The following TRPM3 variants were observed in gnomAD, a reference collection of about 807,000 sequenced individuals.
The protein encoded by TRPM3 is transient receptor potential cation channel subfamily M member 3.
A neutral mutation model predicts 181.2 loss-of-function variants in TRPM3; 77 were observed. That is an observed-to-expected ratio of 0.42 (90% CI 0.35 to 0.51). TRPM3 has a LOEUF of 0.51. Ranked by LOEUF, TRPM3 falls within the 20% of genes least tolerant of loss-of-function variation. The pLI, the probability that TRPM3 is intolerant of heterozygous loss-of-function variation, is 0.01. For synonymous variants in TRPM3, 745 were observed against 796.4 expected (o/e 0.94, Z 1.09); for missense variants, 1,759 against 2,196.7 (o/e 0.80, Z 3.98).
chr9:71,387,284 G>A (rs1012409157), intron 1 of TRPM3, among the ~76,000 whole-genome samples: 1 of 152,132 alleles, frequency 6.6e-6, no homozygotes, highest in Admixed American at 6.6e-5. Flanking sequence ...ATCAAACCTA[G>A]TTTCTGAATT....
At chr9:70,774,933 A>G (rs1373584882) in intron 7 of TRPM3, 5 of 152,198 alleles carry the variant, frequency 3.3e-5, no homozygotes, top group African/African-American at 1.2e-4. Context: ...TCCTACTTTA[A>G]TGCATTTTTA....
At chr9:70,900,064 A>T (rs932196914) in intron 1 of TRPM3, among the ~76,000 whole-genome samples, 2 of 152,240 alleles carry the variant, frequency 1.3e-5, no homozygotes, top group African/African-American at 4.8e-5. Flanking sequence ...CTTAAAAATA[A>T]ATTCATTGGA....
intron 1 of TRPM3, among the ~76,000 whole-genome samples, chr9:71,367,626 A>C (rs1362100222): frequency 1.3e-5 from 2 of 152,166 alleles, no homozygotes; most frequent in African/African-American, 4.8e-5. Context: ...TTTCTCACCT[A>C]AAAAGATCTA....
At chr9:70,941,753 G>C (rs1456693510) in intron 1 of TRPM3, among the ~76,000 whole-genome samples, 1 of 152,128 alleles carries the variant, frequency 6.6e-6, no homozygotes, top group African/African-American at 2.4e-5. Context: ...AGACCCAGAG[G>C]GGTTGGATTG....
chr9:70,837,598 T>C (rs2094404865), intron 5 of TRPM3, among the ~76,000 whole-genome samples: 1 of 152,228 alleles, frequency 6.6e-6, no homozygotes, highest in South Asian at 2.1e-4. Context: ...TCAGAAACTC[T>C]TCATTTACCT....
chr9:70,976,103 T>A (rs1358255930), intron 1 of TRPM3, among the ~76,000 whole-genome samples: 1 of 152,150 alleles, frequency 6.6e-6, no homozygotes, highest in African/African-American at 2.4e-5. Flanking sequence ...ATGAGTCTCT[T>A]CCCAGTGTGG....
chr9:71,230,133 G>A (rs2080952919), intron 1 of TRPM3, among the ~76,000 whole-genome samples: 1 of 152,056 alleles, frequency 6.6e-6, no homozygotes, highest in Non-Finnish European at 1.5e-5. Flanking sequence ...ATCAAAATAT[G>A]CCATTAAAAT....
intron 1 of TRPM3, among the ~76,000 whole-genome samples, chr9:71,405,318 T>A (rs2093417474): frequency 6.6e-6 from 1 of 152,216 alleles, no homozygotes; most frequent in South Asian, 2.1e-4. Context: ...TTTAAAAAAA[T>A]CTTCCTTTTA....
chr9:70,968,624 T>C (rs567364551), intron 1 of TRPM3, among the ~76,000 whole-genome samples: 30 of 152,310 alleles, frequency 2.0e-4, no homozygotes, highest in African/African-American at 7.0e-4. Flanking sequence ...TGTGAAATTG[T>C]TGTACTGGCT....
chr9:70,936,646 C>T (rs2096831215), intron 1 of TRPM3, among the ~76,000 whole-genome samples: 1 of 152,196 alleles, frequency 6.6e-6, no homozygotes, highest in Admixed American at 6.5e-5. Context: ...CAGTCTTTAT[C>T]TCTCACATGC....
chr9:71,212,862 T>TGTAC (rs1035954821), intron 1 of TRPM3, among the ~76,000 whole-genome samples: 5 of 152,012 alleles, frequency 3.3e-5, no homozygotes, highest in African/African-American at 1.2e-4. Flanking sequence ...TATGTATGTA[T>TGTAC]GTATGTATGT....
At chr9:71,037,192 T>A (rs188613643) in intron 1 of TRPM3, among the ~76,000 whole-genome samples, 11 of 152,356 alleles carry the variant, frequency 7.2e-5, no homozygotes, top group African/African-American at 2.4e-4. Flanking sequence ...AGTCTTGATC[T>A]ATTCTTATTA....
chr9:71,181,780 T>C (rs1450353148), intron 1 of TRPM3, among the ~76,000 whole-genome samples: 1 of 152,174 alleles, frequency 6.6e-6, no homozygotes, highest in Non-Finnish European at 1.5e-5. Flanking sequence ...ATGACTGGAC[T>C]AACAGGTGAA....
At chr9:71,237,058 A>T (rs2081392157) in intron 1 of TRPM3, among the ~76,000 whole-genome samples, 1 of 147,284 alleles carries the variant, frequency 6.8e-6, no homozygotes, top group African/African-American at 2.5e-5. Context: ...AAAAAAAAAA[A>T]AAGGGGGGGG....
chr9:70,899,331 G>A (rs531806966), intron 1 of TRPM3, among the ~76,000 whole-genome samples: 4 of 152,256 alleles, frequency 2.6e-5, no homozygotes, highest in Non-Finnish European at 4.4e-5. Flanking sequence ...AGGTCTTTCT[G>A]GAAAACCTGA....
chr9:71,021,340 T>C (rs952394148), intron 1 of TRPM3, among the ~76,000 whole-genome samples: 4 of 152,176 alleles, frequency 2.6e-5, no homozygotes, highest in East Asian at 1.9e-4. Context: ...TAAGTATGCA[T>C]GTGCTTCACT....
At chr9:71,348,861 G>A (rs1254673947) in intron 1 of TRPM3, among the ~76,000 whole-genome samples, 1 of 152,128 alleles carries the variant, frequency 6.6e-6, no homozygotes, top group East Asian at 1.9e-4. Flanking sequence ...ATGAGCCACT[G>A]TGCCCAGCCA....
At chr9:70,850,184 T>C (rs1298872858) in intron 3 of TRPM3, among the ~76,000 whole-genome samples, 1 of 152,112 alleles carries the variant, frequency 6.6e-6, no homozygotes, top group Non-Finnish European at 1.5e-5. Context: ...GTTTACAATA[T>C]GAAAAATGGC....
intron 1 of TRPM3, among the ~76,000 whole-genome samples, chr9:70,973,968 A>G (rs1469040042): frequency 6.6e-6 from 1 of 152,224 alleles, no homozygotes; most frequent in Non-Finnish European, 1.5e-5. Flanking sequence ...TGCTATTTAT[A>G]AAATGCCTGC....
Sources: gnomAD v4.1 joint callset for allele counts (sites outside exome capture counted in the v4.1 genomes callset) on GRCh38, gnomAD v4.1.1 for gene constraint, MANE v1.5 for transcripts, NCBI Gene and HGNC (gene_info 2026-07-23, HGNC 2026-07-21) for gene names.